Variants in SLIT1 observed in about 807,000 individuals in gnomAD.
SLIT1 encodes slit homolog 1 protein.
In SLIT1, 66 loss-of-function variants were observed where a neutral mutation model predicts 186.1. That is an observed-to-expected ratio of 0.35 (90% CI 0.29 to 0.44). The LOEUF is 0.44. Ranked by LOEUF, SLIT1 falls within the 20% of genes least tolerant of loss-of-function variation. SLIT1 has a pLI of 1.00. For missense variants in SLIT1, 1,638 were observed against 2,037.4 expected (o/e 0.80, Z 3.77); for synonymous variants, 761 against 833.8 (o/e 0.91, Z 1.50).
At chr10:97,008,882 A>T (rs1564652475) in intron 31 of SLIT1, among the ~76,000 whole-genome samples, 1 of 150,790 alleles carries the variant, frequency 6.6e-6, no homozygotes, top group African/African-American at 2.4e-5. Context: ...TTATTTATTT[A>T]TTATTATTAT....
intron 5 of SLIT1, 103 bp downstream of exon 5, chr10:97,065,912 C>G: frequency 1.2e-6 from 1 of 845,212 alleles, no homozygotes; most frequent in Non-Finnish European, 2.0e-6. Context: ...GGTCAGCTCC[C>G]TGGCTGCCTG....
chr10:97,002,753 CCCAGCCAG>C lies in SLIT1; in HGVS notation c.4097_4104del (p.Ala1366GlyfsTer6). On this transcript the variant is annotated frameshift_variant, in exon 35 of 37. Coordinates refer to ENST00000266058, the MANE Select transcript of SLIT1 (RefSeq NM_003061.3). LOFTEE classifies it high-confidence loss of function. ...GCGGGCTGGTCACAGTGCAGGCCCA[CCCAGCCAG>C]CCTCGCAGTGGCACATGGGCCCTGG... is the stretch of plus-strand genomic sequence containing the variant. The C allele has an allele frequency of 1.2e-6, 2 of 1,609,900 alleles. No individual in the cohort carries two copies. Among genetic ancestry groups the C allele is most frequent in the Non-Finnish European group, 1.7e-6 (2 of 1,177,398 alleles).
intron 4 of SLIT1, among the ~76,000 whole-genome samples, chr10:97,117,798 T>C (rs1390806368): frequency 6.6e-6 from 1 of 152,164 alleles, no homozygotes; most frequent in Non-Finnish European, 1.5e-5. Context: ...CTGAGTTCCT[T>C]CTCTGTGAAT....
intron 4 of SLIT1, among the ~76,000 whole-genome samples, chr10:97,108,862 T>C (rs1849438350): frequency 8.4e-6 from 1 of 118,598 alleles, no homozygotes; most frequent in African/African-American, 3.3e-5. Flanking sequence ...CGCTCCAGCC[T>C]GGTGACAGAG....
chr10:97,006,455 C>A lies in SLIT1; in HGVS notation c.3579+28G>T. The A allele has an allele frequency of 6.4e-7, 1 of 1,557,900 alleles. No homozygotes were observed. Among genetic ancestry groups the A allele is most frequent in the African/African-American group, 1.4e-5 (1 of 73,944 alleles). On this transcript the variant is annotated intron_variant, in intron 32 of 36. Coordinates refer to ENST00000266058, the MANE Select transcript of SLIT1 (RefSeq NM_003061.3). The surrounding 1 kb of genome is among the most constrained non-coding windows in gnomAD (Gnocchi z 4.0). Reference sequence around the variant, plus strand: ...CAGGGTCGCCTGCTCCCTGACTCCCCTCTGTGACCAAGCCCCCTGGCACGC... The same window carrying A: ...CAGGGTCGCCTGCTCCCTGACTCCCATCTGTGACCAAGCCCCCTGGCACGC...
intron 1 of SLIT1, among the ~76,000 whole-genome samples, chr10:97,181,522 C>T (rs529820047): frequency 5.9e-5 from 9 of 152,146 alleles, no homozygotes; most frequent in Admixed American, 1.3e-4. Context: ...GCAGGGTGGA[C>T]GAACTGGCAA....
chr10:97,045,620 A>G (rs187340617), intron 18 of SLIT1, among the ~76,000 whole-genome samples: 62 of 152,314 alleles, frequency 4.1e-4, no homozygotes, highest in Middle Eastern at 6.8e-3. Flanking sequence ...CCCCACACCC[A>G]CATTTAAGGA....
chr10:97,139,790 A>C (rs1052229272), intron 4 of SLIT1, among the ~76,000 whole-genome samples: 1 of 152,196 alleles, frequency 6.6e-6, no homozygotes, highest in African/African-American at 2.4e-5. Flanking sequence ...CTACAAGGGC[A>C]CTGCATGTCA....
At chr10:97,135,000 C>T (rs1476790274) in intron 4 of SLIT1, among the ~76,000 whole-genome samples, 1 of 152,212 alleles carries the variant, frequency 6.6e-6, no homozygotes. Flanking sequence ...AGACCACAGC[C>T]TTTTTTCTCA....
chr10:97,166,615 G>GAGA (rs1181177835), intron 1 of SLIT1, among the ~76,000 whole-genome samples: 122 of 50,334 alleles, frequency 2.4e-3, no homozygotes, highest in African/African-American at 8.9e-3. Context: ...AAGAAAGAAA[G>GAGA]AAAGAAAGAG....
At chr10:97,027,166 A>G (rs1032799577) in intron 25 of SLIT1, among the ~76,000 whole-genome samples, 2 of 152,336 alleles carry the variant, frequency 1.3e-5, no homozygotes, top group African/African-American at 4.8e-5. Context: ...GTCACTTGTC[A>G]TAGAGCCGTG....
Position 97,150,759 on chromosome 10 carries a change from T to C in SLIT1, c.413+7059A>G, listed in dbSNP as rs564422748. ...CACGGCAGCAGAGATCCTCCCCAGA[T>C]TGGAGGCCAAGGAGGCGGCATGCGT... On this transcript the variant is annotated intron_variant, in intron 4 of 36. Transcript: ENST00000266058. Among the ~76,000 whole-genome samples, 267 of 152,190 alleles carry C rather than the reference T, an allele frequency of 1.8e-3. 1 individual carries two copies. The highest frequency in any genetic ancestry group is 5.6e-3 in the South Asian group (27 of 4,808).
In SLIT1 at chr10:97,002,217, C is replaced by G. The variant is rs1315394600; in HGVS notation, c.4307G>C (p.Gly1436Ala). ...QCLHGHCQAS[G>A]TKGAHCVCDP... ...ACACACACAGTGTGCCCCCTTGGTGCCTGAGGCCTGGCAGTGGCCATGCAG... is the reference window on the plus strand; with the variant it reads ...ACACACACAGTGTGCCCCCTTGGTGGCTGAGGCCTGGCAGTGGCCATGCAG... The change falls in exon 36 of 37, where the codon GGC becomes GCC. Residue 1436 changes from glycine (G) to alanine (A), a missense_variant. Gly to Ala is a moderately conservative substitution (Grantham distance 60). This residue lies in a region of SLIT1 where 220 missense variants were observed against 211.3 expected (regional missense o/e 1.04). Transcript: ENST00000266058. 3.8e-6 allele frequency: 6 copies of G among 1,584,508 alleles called. No homozygotes were observed. Among genetic ancestry groups the G allele is most frequent in the Non-Finnish European group, 4.3e-6 (5 of 1,163,010 alleles).
Position 97,170,179 on chromosome 10 carries a change from C to A in SLIT1, c.198-5289G>T, listed in dbSNP as rs893675337. Among the ~76,000 whole-genome samples, 4 of 152,222 alleles carry A rather than the reference C, an allele frequency of 2.6e-5. No individual in the cohort carries two copies. In the South Asian group the frequency reaches 8.3e-4, roughly 32 times the overall value. On this transcript the variant is annotated intron_variant, in intron 1 of 36. Coordinates refer to ENST00000266058, the MANE Select transcript of SLIT1 (RefSeq NM_003061.3). ...GTCACCAAGAGTGTGGGCTCTGGAG[C>A]CAGACCATCCGGCTTCAAATTCCTG...
intron 4 of SLIT1, among the ~76,000 whole-genome samples, chr10:97,152,332 G>A (rs2134714069): frequency 6.6e-6 from 1 of 152,330 alleles, no homozygotes; most frequent in South Asian, 2.1e-4. Context: ...GAGTGGTGAG[G>A]TTGAGTTGGC....
At chr10:97,176,084 A>T (rs1850252374) in intron 1 of SLIT1, among the ~76,000 whole-genome samples, 1 of 152,200 alleles carries the variant, frequency 6.6e-6, no homozygotes, top group Non-Finnish European at 1.5e-5. Flanking sequence ...AGTCAAATTT[A>T]AAAACTAAAC....
rs1313332412 is a variant in SLIT1 at position 97,006,068 on chromosome 10, A to G, written c.3579+415T>C. Among the ~76,000 whole-genome samples, 3 of 152,160 alleles carry G rather than the reference A, an allele frequency of 2.0e-5. No individual in the cohort carries two copies. Among genetic ancestry groups the G allele is most frequent in the African/African-American group, 7.2e-5 (3 of 41,436 alleles). On this transcript the variant is annotated intron_variant, in intron 32 of 36. Coordinates refer to ENST00000266058, the MANE Select transcript of SLIT1 (RefSeq NM_003061.3). The surrounding 1 kb of genome is among the most constrained non-coding windows in gnomAD (Gnocchi z 4.0). ...GTTCTGAGATGGAACTGAAGGCATGAAAAGGATGAGTTAAGGGACCCTAGG... is the reference window on the plus strand; with the variant it reads ...GTTCTGAGATGGAACTGAAGGCATGGAAAGGATGAGTTAAGGGACCCTAGG...
At chr10:97,089,822 T>C (rs1849211362) in intron 4 of SLIT1, among the ~76,000 whole-genome samples, 1 of 152,158 alleles carries the variant, frequency 6.6e-6, no homozygotes, top group African/African-American at 2.4e-5. Context: ...CACATGTCAG[T>C]TAAGGGCAGA....
intron 4 of SLIT1, among the ~76,000 whole-genome samples, chr10:97,151,694 C>T (rs1157620409): frequency 6.6e-6 from 1 of 152,138 alleles, no homozygotes; most frequent in Non-Finnish European, 1.5e-5. Flanking sequence ...GGATGTGTCA[C>T]ATACCCGCTG....
Sources: allele counts gnomAD v4.1 joint callset (sites outside exome capture counted in the v4.1 genomes callset), GRCh38; gene constraint gnomAD v4.1.1; regional missense constraint gnomAD v4.1.1; non-coding constraint Gnocchi (gnomAD v3.1); transcripts MANE v1.5; gene names NCBI Gene and HGNC (gene_info 2026-07-23, HGNC 2026-07-21).